DCUN1D4: variants seen among roughly 807,000 people sequenced by gnomAD.
The protein encoded by DCUN1D4 is defective in cullin neddylation 1 domain containing 4.
In DCUN1D4, 22 loss-of-function variants were observed where a neutral mutation model predicts 47.9. The ratio of observed to expected loss-of-function variants is 0.46; its 90% CI spans 0.33 to 0.66. The LOEUF (loss-of-function observed/expected upper bound fraction) is 0.66, where lower values mean the gene tolerates loss of function less well. Among genes scored for constraint, DCUN1D4 ranks in the 30% least tolerant of loss-of-function variants. The pLI, the probability that DCUN1D4 is intolerant of heterozygous loss-of-function variation, is 0.02. For synonymous variants in DCUN1D4, 121 were observed against 112.2 expected (o/e 1.08, Z -0.50); for missense variants, 301 against 340.8 (o/e 0.88, Z 0.92).
At chr4:51,900,127 T>G (rs868260818) in intron 8 of DCUN1D4, among the ~76,000 whole-genome samples, 4 of 152,232 alleles carry the variant, frequency 2.6e-5, no homozygotes, top group Non-Finnish European at 4.4e-5. Flanking sequence ...TTGATTGCAC[T>G]TTTTTAAATT....
At chr4:51,861,648 T>C (rs909043627) in intron 1 of DCUN1D4, among the ~76,000 whole-genome samples, 2 of 152,144 alleles carry the variant, frequency 1.3e-5, no homozygotes, top group Non-Finnish European at 2.9e-5. Context: ...TTACCCTCAG[T>C]GAAAAGAGAA....
intron 8 of DCUN1D4, 123 bp downstream of exon 8, chr4:51,899,501 T>C: frequency 1.4e-6 from 2 of 1,470,320 alleles, no homozygotes. Flanking sequence ...CCCAGGATGC[T>C]AGTTAGTATT....
At chr4:51,907,650 C>G (rs532691165) in intron 8 of DCUN1D4, among the ~76,000 whole-genome samples, 1 of 152,094 alleles carries the variant, frequency 6.6e-6, no homozygotes, top group South Asian at 2.1e-4. Context: ...TTAATTTTTC[C>G]CGTTGAATTT....
At chr4:51,876,372 A>T (rs1727673691) in intron 4 of DCUN1D4, among the ~76,000 whole-genome samples, 1 of 151,750 alleles carries the variant, frequency 6.6e-6, no homozygotes, top group Non-Finnish European at 1.5e-5. Flanking sequence ...AACAATGAGA[A>T]CACATGGACA....
intron 3 of DCUN1D4, among the ~76,000 whole-genome samples, chr4:51,873,285 CCTGT>C (rs1727186470): frequency 6.6e-6 from 1 of 152,160 alleles, no homozygotes; most frequent in Non-Finnish European, 1.5e-5. Context: ...CTTAGTTTTC[CCTGT>C]CTGTTAAGTA....
chr4:51,857,830 A>G (rs1049107027), intron 1 of DCUN1D4, among the ~76,000 whole-genome samples: 1 of 152,168 alleles, frequency 6.6e-6, no homozygotes, highest in African/African-American at 2.4e-5. Context: ...AATGTATTGA[A>G]TTTAAGCCTT....
rs1733662185 is a variant in DCUN1D4, at chr4:51,911,169, T to A, written c.715T>A (p.Leu239Ile). 1 of 1,609,916 alleles carries A rather than the reference T, an allele frequency of 6.2e-7. No homozygotes were observed. The highest frequency in any genetic ancestry group is 1.1e-5 in the South Asian group (1 of 90,044). The change falls in exon 9 of 11, where the codon TTA becomes ATA. Residue 239 changes from leucine to isoleucine, a missense_variant. Around this residue, in one of 2 missense-constraint regions of DCUN1D4, gnomAD observed 170 missense variants for 234.5 expected, o/e 0.73. Transcript: ENST00000334635. Reference sequence around the variant, plus strand: ...CCTTTTTCCAGTTTTTCACCAATTCTTAGAGGTACCAAATTGTTGTTTTAT... The same window carrying A: ...CCTTTTTCCAGTTTTTCACCAATTCATAGAGGTACCAAATTGTTGTTTTAT... Reference protein sequence around the residue: ...WPLFPVFHQFLEQSKYKVINK... With the variant: ...WPLFPVFHQFIEQSKYKVINK...
At chr4:51,897,533 T>A (rs765002942) in intron 7 of DCUN1D4, among the ~76,000 whole-genome samples, 1 of 152,110 alleles carries the variant, frequency 6.6e-6, no homozygotes, top group Non-Finnish European at 1.5e-5. Context: ...TGACTCTTGA[T>A]TCTCATTTTT....
intron 8 of DCUN1D4, among the ~76,000 whole-genome samples, chr4:51,908,724 G>A (rs1045999396): frequency 6.6e-6 from 1 of 151,978 alleles, no homozygotes; most frequent in African/African-American, 2.4e-5. Flanking sequence ...AACCCCCTGC[G>A]AGTGTCTCCA....
upstream of DCUN1D4, among the ~76,000 whole-genome samples, chr4:51,842,177 T>C (rs533071139): frequency 1.3e-5 from 2 of 152,280 alleles, no homozygotes; most frequent in Non-Finnish European, 1.5e-5. Flanking sequence ...ACAGCCAGTT[T>C]CAATTTCTGG....
intron 8 of DCUN1D4, among the ~76,000 whole-genome samples, chr4:51,900,363 T>G (rs1484349517): frequency 6.6e-6 from 1 of 152,170 alleles, no homozygotes; most frequent in African/African-American, 2.4e-5. Flanking sequence ...GCATAGAAAT[T>G]TATTGATGTT....
chr4:51,845,183 C>G lies in DCUN1D4; in HGVS notation c.25+1916C>G, dbSNP rs1258093360. The G allele has an allele frequency of 7.1e-6, 7 of 985,454 alleles. No homozygotes were observed. In the South Asian group the frequency reaches 3.3e-4, roughly 46 times the overall value. 61.0% of individuals were successfully genotyped at this position (985,454 alleles called of 1,614,324 possible). Reference sequence around the variant, plus strand: ...AGAATGGTGTATTTAATTTTGGCATCCAGTGTGTGTAAGCACTGGGTTCCA... The same window carrying G: ...AGAATGGTGTATTTAATTTTGGCATGCAGTGTGTGTAAGCACTGGGTTCCA... On this transcript the variant is annotated intron_variant, in intron 1 of 10. Transcript: ENST00000334635.
chr4:51,912,049 T>G (rs985112970), intron 9 of DCUN1D4, among the ~76,000 whole-genome samples: 7 of 152,178 alleles, frequency 4.6e-5, no homozygotes, highest in Non-Finnish European at 8.8e-5. Context: ...TTGAGAACTG[T>G]TATTAAAAAT....
chr4:51,910,853 C>A (rs1053220881), intron 8 of DCUN1D4: 1 of 551,774 alleles, frequency 1.8e-6, no homozygotes, highest in African/African-American at 2.0e-5. Context: ...TGACATAAAT[C>A]TTTCTCACAG....
intron 8 of DCUN1D4, among the ~76,000 whole-genome samples, chr4:51,900,665 C>T (rs1331461269): frequency 1.3e-5 from 2 of 151,272 alleles, no homozygotes; most frequent in East Asian, 1.9e-4. Context: ...AACAGGAGTT[C>T]GAGGTTAAAA....
At chr4:51,837,602 C>T in the DCUN1D4 span, among the ~76,000 whole-genome samples, 1 of 118,510 alleles carries the variant, frequency 8.4e-6, no homozygotes, top group African/African-American at 3.2e-5. Flanking sequence ...TTGCAGTGAG[C>T]GGAGATCGCG....
intron 4 of DCUN1D4, among the ~76,000 whole-genome samples, chr4:51,876,353 T>G: frequency 6.9e-6 from 1 of 144,592 alleles, no homozygotes; most frequent in Admixed American, 7.1e-5. Context: ...CACTCATAGG[T>G]GGGAATTGAA....
chr4:51,880,557 G>C (rs957510975), intron 5 of DCUN1D4, among the ~76,000 whole-genome samples: 1 of 152,264 alleles, frequency 6.6e-6, no homozygotes, highest in East Asian at 1.9e-4. Context: ...CCAAGTTTCT[G>C]TCTGGCCAGT....
intron 8 of DCUN1D4, among the ~76,000 whole-genome samples, chr4:51,903,211 A>G (rs1169594467): frequency 6.6e-6 from 1 of 151,984 alleles, no homozygotes; most frequent in Non-Finnish European, 1.5e-5. Context: ...AATGTTTCTC[A>G]TAGGCTAGAT....
Sources: gnomAD v4.1 joint callset for allele counts (sites outside exome capture counted in the v4.1 genomes callset) on GRCh38, gnomAD v4.1.1 for gene constraint, gnomAD v4.1.1 regional missense constraint, MANE v1.5 for transcripts, NCBI Gene and HGNC (gene_info 2026-07-23, HGNC 2026-07-21) for gene names.